GABRG1: variants seen among roughly 807,000 people sequenced by gnomAD.
GABRG1 encodes gamma-aminobutyric acid receptor subunit gamma-1.
GABRG1 carries 49 observed loss-of-function variants against 49.8 expected under a neutral mutation model. The observed-to-expected ratio is 0.98, with a 90% confidence interval of 0.78 to 1.25. The LOEUF is 1.25. GABRG1 is among the 50% of genes most tolerant of loss of function. GABRG1 has a pLI of 0.00. For missense variants in GABRG1, 552 were observed against 552.3 expected, an observed-to-expected ratio of 1.00 and a Z score of 0.01; for synonymous variants, 232 against 185.1, an observed-to-expected ratio of 1.25 and a Z score of -2.06.
In GABRG1 at chr4:46,039,019, A is replaced by G. The variant is rs184215144; in HGVS notation, c.*1969T>C. The stretch of plus-strand genomic sequence containing the variant: ...GCTCAGATACACTTGAAAGAGTCCC[A>G]AAATCAAAACTGTCTCATGATAGTA... On this transcript the variant is annotated 3_prime_UTR_variant, in exon 9 of 9. Coordinates refer to ENST00000295452, the MANE Select transcript of GABRG1 (RefSeq NM_173536.4). 4.6e-5 allele frequency: 7 copies of G among 151,870 alleles called. No homozygotes were observed. In the East Asian group the frequency reaches 1.4e-3, roughly 29 times the overall value. 9.4% of individuals were successfully genotyped at this position (151,870 alleles called of 1,614,324 possible).
intron 1 of GABRG1, among the ~76,000 whole-genome samples, chr4:46,108,380 A>G (rs1215760060): frequency 2.0e-5 from 3 of 151,106 alleles, no homozygotes; most frequent in African/African-American, 7.3e-5. Flanking sequence ...CTAGAAATTG[A>G]TTTTGTTCAA....
At chr4:46,115,039 G>T (rs1720841774) in intron 1 of GABRG1, among the ~76,000 whole-genome samples, 1 of 150,720 alleles carries the variant, frequency 6.6e-6, no homozygotes. Flanking sequence ...AATTTTTGAT[G>T]CATTTAATAC....
rs1720492391 is a variant in GABRG1 at position 46,105,173 on chromosome 4, A to G, written c.105-7824T>C. 2.0e-5 allele frequency among the ~76,000 whole-genome samples: 3 copies of G among 151,460 alleles called. No homozygotes were observed. The South Asian group carries it at 6.2e-4, about 31-fold the overall frequency. ...AAACAAAGAGAAGGAAGCTGGCAGAATGATACTTGCTAATTAAGGCCTGGG... is the reference window on the plus strand; with the variant it reads ...AAACAAAGAGAAGGAAGCTGGCAGAGTGATACTTGCTAATTAAGGCCTGGG... On this transcript the variant is annotated intron_variant, in intron 1 of 8. Coordinates refer to ENST00000295452, the MANE Select transcript of GABRG1 (RefSeq NM_173536.4).
intron 1 of GABRG1, among the ~76,000 whole-genome samples, chr4:46,106,328 C>A (rs939145926): frequency 6.6e-6 from 1 of 151,308 alleles, no homozygotes; most frequent in Non-Finnish European, 1.5e-5. Flanking sequence ...TTGATCAGTC[C>A]TTCACTGGGT....
At chr4:46,097,162 A>T in intron 2 of GABRG1, 39 bp downstream of exon 2, 1 of 1,556,270 alleles carries the variant, frequency 6.4e-7, no homozygotes, top group Non-Finnish European at 8.7e-7. Flanking sequence ...TGATATGTTT[A>T]ATGGTCATCA....
chr4:46,111,793 G>A (rs528903526), intron 1 of GABRG1, among the ~76,000 whole-genome samples: 13 of 151,254 alleles, frequency 8.6e-5, no homozygotes, highest in Non-Finnish European at 1.9e-4. Context: ...GCCATACGAA[G>A]AAGACTGAAA....
chr4:46,092,462 T>A (rs1553882590), intron 2 of GABRG1, among the ~76,000 whole-genome samples: 2 of 151,832 alleles, frequency 1.3e-5, no homozygotes, highest in Non-Finnish European at 2.9e-5. Flanking sequence ...AATGCAATGA[T>A]AGAAGGATAA....
At chr4:46,042,955 C>A (rs546446924) in intron 8 of GABRG1, among the ~76,000 whole-genome samples, 3 of 151,770 alleles carry the variant, frequency 2.0e-5, no homozygotes, top group East Asian at 3.9e-4. Flanking sequence ...GAGGATGGAA[C>A]TGGGGATAGT....
At chr4:46,110,390 C>T (rs552012433) in intron 1 of GABRG1, among the ~76,000 whole-genome samples, 1 of 150,914 alleles carries the variant, frequency 6.6e-6, no homozygotes, top group Non-Finnish European at 1.5e-5. Flanking sequence ...TTATTTTGAG[C>T]TGATGGGCAT....
rs1717660986 is a variant in GABRG1, at chr4:46,039,257, G to A, written c.*1731C>T. ...TTTGGCTGTTCATTCAAGAAAAGCA[G>A]TGTCGGTGGATATTGGGCATTACCA... On this transcript the variant is annotated 3_prime_UTR_variant, in exon 9 of 9. Coordinates refer to ENST00000295452, the MANE Select transcript of GABRG1 (RefSeq NM_173536.4). 6.6e-6 allele frequency: 1 copy of A among 151,222 alleles called. No homozygotes were observed. The highest frequency in any genetic ancestry group is 2.4e-5 in the African/African-American group (1 of 41,232). 9.4% of individuals were successfully genotyped at this position (151,222 alleles called of 1,614,324 possible). A position where few individuals can be genotyped will look rare whatever the true frequency, so the allele number is the denominator to read the frequency against.
Position 46,051,657 on chromosome 4 carries a change from AAAC to A in GABRG1, c.917-22_917-20del, listed in dbSNP as rs1213226349. ...GTGATACCTATAGAGAGAGGAAACAAAACAGGAAATGAAAATTAATAGACCACA... is the reference window on the plus strand; with the variant it reads ...GTGATACCTATAGAGAGAGGAAACAAAGGAAATGAAAATTAATAGACCACA... On this transcript the variant is annotated intron_variant, in intron 7 of 8. Transcript: ENST00000295452. 1 of 1,455,260 alleles carries A rather than the reference AAAC, an allele frequency of 6.9e-7. No individual in the cohort carries two copies. The highest frequency in any genetic ancestry group is 2.3e-5 in the East Asian group (1 of 43,474). The allele number at this position is 1,455,260 out of a possible 1,614,324, so 90.1% of individuals were successfully genotyped here.
chr4:46,036,255 C>T lies in GABRG1; in HGVS notation c.*4733G>A, dbSNP rs1005776437. On this transcript the variant is annotated 3_prime_UTR_variant, in exon 9 of 9. Transcript: ENST00000295452. Reference sequence around the variant, plus strand: ...GTCTACACACAGTAGACTATTTCTACCTGCAATTCTCTTATTCTCTTTGTC... The same window carrying T: ...GTCTACACACAGTAGACTATTTCTATCTGCAATTCTCTTATTCTCTTTGTC... 1 of 151,610 alleles carries T rather than the reference C, an allele frequency of 6.6e-6. No homozygotes were observed. The highest frequency in any genetic ancestry group is 2.4e-5 in the African/African-American group (1 of 41,368). 9.4% of individuals were successfully genotyped at this position (151,610 alleles called of 1,614,324 possible).
chr4:46,040,949 T>C lies in GABRG1; in HGVS notation c.*39A>G. 1 of 1,571,046 alleles carries C rather than the reference T, an allele frequency of 6.4e-7. No individual in the cohort carries two copies. On this transcript the variant is annotated 3_prime_UTR_variant, in exon 9 of 9. Coordinates refer to ENST00000295452, the MANE Select transcript of GABRG1 (RefSeq NM_173536.4). The stretch of plus-strand genomic sequence containing the variant: ...GAAGCACAAAAGATTCTACTGAATT[T>C]AGTCAGACTTCTTTTGATTTTTGCT...
chr4:46,117,653 T>G (rs1459096981), intron 1 of GABRG1, among the ~76,000 whole-genome samples: 3 of 145,080 alleles, frequency 2.1e-5, no homozygotes, highest in Non-Finnish European at 4.6e-5. Flanking sequence ...TACATATATA[T>G]GTATATACGT....
chr4:46,088,843 G>A (rs1304639977), intron 2 of GABRG1, among the ~76,000 whole-genome samples: 1 of 150,598 alleles, frequency 6.6e-6, no homozygotes, highest in Non-Finnish European at 1.5e-5. Flanking sequence ...GTGTGTGTGT[G>A]TATTCCCAAG....
chr4:46,045,914 T>C (rs1717980432), intron 8 of GABRG1, among the ~76,000 whole-genome samples: 1 of 151,906 alleles, frequency 6.6e-6, no homozygotes, highest in Admixed American at 6.6e-5. Flanking sequence ...ATAAGAAAGA[T>C]ACAACAGAAG....
At chr4:46,121,293 C>A (rs1721083750) in intron 1 of GABRG1, among the ~76,000 whole-genome samples, 1 of 151,284 alleles carries the variant, frequency 6.6e-6, no homozygotes, top group African/African-American at 2.4e-5. Context: ...GAAAACTAAC[C>A]AAAAGAAAGG....
chr4:46,077,391 T>C (rs1173985535), intron 3 of GABRG1, among the ~76,000 whole-genome samples: 1 of 151,942 alleles, frequency 6.6e-6, no homozygotes, highest in African/African-American at 2.4e-5. Context: ...TAATAAAGCA[T>C]TGGGTAAAAC....
chr4:46,045,788 AT>A (rs1214505718), intron 8 of GABRG1, among the ~76,000 whole-genome samples: 1 of 152,014 alleles, frequency 6.6e-6, no homozygotes, highest in Non-Finnish European at 1.5e-5. Flanking sequence ...GATGGACTCA[AT>A]CTCCTGACCC....
Sources: allele counts gnomAD v4.1 joint callset (sites outside exome capture counted in the v4.1 genomes callset), GRCh38; gene constraint gnomAD v4.1.1; transcripts MANE v1.5; gene names NCBI Gene and HGNC (gene_info 2026-07-23, HGNC 2026-07-21).